Variants in PCDH15 observed in about 807,000 individuals in gnomAD.
PCDH15 encodes protocadherin-15.
Under a neutral mutation model 178.5 loss-of-function variants are expected in PCDH15, and 129 were observed. That is an observed-to-expected ratio of 0.72 (90% CI 0.63 to 0.84). The LOEUF (loss-of-function observed/expected upper bound fraction) is 0.84. Ranked by LOEUF, PCDH15 falls within the 40% of genes least tolerant of loss-of-function variation. The pLI is 0.00. For missense variants in PCDH15, 2,230 were observed against 2,099.9 expected (o/e 1.06, Z -1.21); for synonymous variants, 800 against 732.0 (o/e 1.09, Z -1.50).
At chr10:54,952,690 C>A (rs1838375703) in intron 2 of PCDH15, among the ~76,000 whole-genome samples, 1 of 151,616 alleles carries the variant, frequency 6.6e-6, no homozygotes, top group South Asian at 2.1e-4. Flanking sequence ...TTGTAGTTTT[C>A]CTCATATAGG....
At chr10:54,436,077 A>AGGAAGGAGGGAAGGAG (rs1277960849) in intron 3 of PCDH15, among the ~76,000 whole-genome samples, 2 of 144,312 alleles carry the variant, frequency 1.4e-5, no homozygotes, top group African/African-American at 2.8e-5. Context: ...GAAAGAAGGA[A>AGGAAGGAGGGAAGGAG]GGAAGGAGGG....
At chr10:53,910,598 C>T (rs200007254) in intron 25 of PCDH15, among the ~76,000 whole-genome samples, 4 of 152,118 alleles carry the variant, frequency 2.6e-5, no homozygotes, top group East Asian at 3.9e-4. Flanking sequence ...AACCAGAGCA[C>T]CTCTTCTCCT....
In PCDH15 at chr10:55,308,179, A is replaced by C. The variant is rs141297735; in HGVS notation, c.-156+11420T>G. ...TAATGAGACCTAATTAATCTGATTA[A>C]ATGTGAAAAGGAGTAAGCTATTTAA... On this transcript the variant is annotated intron_variant, in intron 1 of 5. Transcript: ENST00000458638. Among the ~76,000 whole-genome samples the C allele has an allele frequency of 1.7e-3, 260 of 152,316 alleles. 1 individual carries two copies. Among genetic ancestry groups the C allele is most frequent in the Middle Eastern group, 6.8e-3 (2 of 294 alleles).
chr10:54,845,114 C>G (rs1484113108), intron 3 of PCDH15, among the ~76,000 whole-genome samples: 1 of 151,364 alleles, frequency 6.6e-6, no homozygotes, highest in Admixed American at 6.6e-5. Context: ...AAAGGAAAAG[C>G]CTTTTTTTCT....
intron 2 of PCDH15, among the ~76,000 whole-genome samples, chr10:55,477,671 C>G (rs908578708): frequency 5.9e-5 from 9 of 151,838 alleles, no homozygotes; most frequent in Non-Finnish European, 4.4e-5. Flanking sequence ...CTTTTTTGAT[C>G]TCATATGTTA....
intron 2 of PCDH15, among the ~76,000 whole-genome samples, chr10:55,550,840 A>G (rs1209815241): frequency 6.6e-6 from 1 of 152,114 alleles, no homozygotes; most frequent in African/African-American, 2.4e-5. Context: ...CATTTCAAGA[A>G]CAATTGCCCC....
chr10:54,216,565 A>T (rs539202357), intron 9 of PCDH15, among the ~76,000 whole-genome samples: 67 of 152,324 alleles, frequency 4.4e-4, no homozygotes, highest in African/African-American at 1.5e-3. Flanking sequence ...ATCTCGATAC[A>T]TAAGAAGAAA....
chr10:55,540,313 T>G (rs1455920222), intron 2 of PCDH15, among the ~76,000 whole-genome samples: 1 of 152,082 alleles, frequency 6.6e-6, no homozygotes, highest in Non-Finnish European at 1.5e-5. Context: ...GTGAACAGAT[T>G]GGATTTTCCA....
chr10:54,024,952 A>G (rs1471714596), intron 18 of PCDH15, among the ~76,000 whole-genome samples: 1 of 152,146 alleles, frequency 6.6e-6, no homozygotes, highest in Non-Finnish European at 1.5e-5. Flanking sequence ...TTGTTTCATA[A>G]TAATAATACC....
intron 2 of PCDH15, among the ~76,000 whole-genome samples, chr10:55,572,149 C>T (rs1250627893): frequency 6.6e-6 from 1 of 151,882 alleles, no homozygotes; most frequent in Non-Finnish European, 1.5e-5. Context: ...AATAAAACTG[C>T]TGATATTTTT....
chr10:54,564,580 G>A (rs1270506872), intron 2 of PCDH15, among the ~76,000 whole-genome samples: 2 of 152,140 alleles, frequency 1.3e-5, no homozygotes, highest in South Asian at 2.1e-4. Flanking sequence ...TTACATGGTT[G>A]CATATAAATG....
chr10:53,888,385 T>C lies in PCDH15; in HGVS notation c.3501+14858A>G, dbSNP rs866919424. On this transcript the variant is annotated intron_variant, in intron 26 of 37. Coordinates refer to ENST00000644397, the MANE Select transcript of PCDH15 (RefSeq NM_001384140.1). ...ATATATATATATATTCCATATCAGT[T>C]GTTTGGGGTTTCTTAATATTACAAA... Among the ~76,000 whole-genome samples, 59 of 141,084 alleles carry C rather than the reference T, an allele frequency of 4.2e-4. No homozygotes were observed. The South Asian group carries it at 9.6e-3, about 23-fold the overall frequency. 92.6% of individuals were successfully genotyped at this position (141,084 alleles called of 152,430 possible). A position where few individuals can be genotyped will look rare whatever the true frequency, so the allele number is the denominator to read the frequency against.
chr10:54,477,515 A>G (rs984495612), intron 3 of PCDH15, among the ~76,000 whole-genome samples: 2 of 152,206 alleles, frequency 1.3e-5, no homozygotes, highest in Non-Finnish European at 2.9e-5. Flanking sequence ...TGTTTTGCAC[A>G]CAGAGTATGG....
chr10:54,494,158 G>A (rs1407047378), intron 3 of PCDH15, among the ~76,000 whole-genome samples: 1 of 151,608 alleles, frequency 6.6e-6, no homozygotes, highest in East Asian at 2.0e-4. Flanking sequence ...AATGGGTGCA[G>A]CACACCAGCA....
At chr10:54,051,328 G>T (rs1450959376) in intron 18 of PCDH15, among the ~76,000 whole-genome samples, 1 of 152,160 alleles carries the variant, frequency 6.6e-6, no homozygotes, top group Non-Finnish European at 1.5e-5. Context: ...CACTTGGAAG[G>T]CTAGGAAGAC....
intron 14 of PCDH15, 148 bp downstream of exon 14, chr10:54,152,952 A>G: frequency 1.1e-6 from 1 of 942,656 alleles, no homozygotes. Context: ...CAGAATATGC[A>G]TGCAGTTCCT....
intron 3 of PCDH15, among the ~76,000 whole-genome samples, chr10:54,469,818 A>G (rs1027851999): frequency 1.3e-5 from 2 of 152,106 alleles, no homozygotes; most frequent in Non-Finnish European, 2.9e-5. Context: ...CTCTCAAGCC[A>G]TCTGTACTGG....
At chr10:54,060,378 T>C (rs990214804) in intron 18 of PCDH15, among the ~76,000 whole-genome samples, 2 of 152,128 alleles carry the variant, frequency 1.3e-5, no homozygotes, top group African/African-American at 4.8e-5. Context: ...TTTCGAAAAA[T>C]CATAAACAAT....
At chr10:54,674,495 T>C (rs984678250) in intron 1 of PCDH15, among the ~76,000 whole-genome samples, 3 of 152,072 alleles carry the variant, frequency 2.0e-5, no homozygotes, top group Non-Finnish European at 4.4e-5. Context: ...AAGACATCCA[T>C]ATAAGGAAGC....
Sources: gnomAD v4.1 joint callset for allele counts (sites outside exome capture counted in the v4.1 genomes callset) on GRCh38, gnomAD v4.1.1 for gene constraint, MANE v1.5 for transcripts, NCBI Gene and HGNC (gene_info 2026-07-23, HGNC 2026-07-21) for gene names.